Variants in ZHX2 observed in about 807,000 individuals in gnomAD.
The protein encoded by ZHX2 is zinc fingers and homeoboxes protein 2.
In ZHX2, 6 loss-of-function variants were observed where a neutral mutation model predicts 21.9. The observed-to-expected ratio is 0.27, with a 90% confidence interval of 0.15 to 0.54. ZHX2 has a LOEUF of 0.54. Among genes scored for constraint, ZHX2 ranks in the 20% least tolerant of loss-of-function variants. The pLI, the probability that ZHX2 is intolerant of heterozygous loss-of-function variation, is 0.95. For synonymous variants in ZHX2, 434 were observed against 437.1 expected, an observed-to-expected ratio of 0.99 and a Z score of 0.09; for missense variants, 908 against 1,090.7, an observed-to-expected ratio of 0.83 and a Z score of 2.36.
intron 2 of ZHX2, among the ~76,000 whole-genome samples, chr8:122,941,636 T>C (rs1223225053): frequency 6.6e-6 from 1 of 151,448 alleles, no homozygotes; most frequent in East Asian, 1.9e-4. Flanking sequence ...GGCAGGGAGC[T>C]TTGGCTGTTT....
At chr8:122,877,109 A>G (rs1380654815) in intron 2 of ZHX2, among the ~76,000 whole-genome samples, 2 of 152,162 alleles carry the variant, frequency 1.3e-5, no homozygotes, top group Non-Finnish European at 2.9e-5. Flanking sequence ...AGAGGATGGC[A>G]ATGGCAGTGG....
Position 122,952,326 on chromosome 8 carries a change from T to C in ZHX2, c.816T>C (p.Asp272=). 4 of 1,614,144 alleles carry C rather than the reference T, an allele frequency of 2.5e-6. No individual in the cohort carries two copies. The highest frequency in any genetic ancestry group is 2.5e-6 in the Non-Finnish European group (3 of 1,180,028). The change falls in exon 3 of 4, where the codon GAT becomes GAC. Residue 272 remains aspartate (D), a synonymous_variant. Transcript: ENST00000314393. This position sits in a 1 kb window ranked among gnomAD's most constrained non-coding sequence, Gnocchi z 6.9. ...LNTTKYNSAL[D]TNATMINSFN... ...CTACCAAATACAACTCTGCCCTGGA[T>C]ACAAATGCCACGATGATCAACTCTT... is the stretch of plus-strand genomic sequence containing the variant.
At chr8:122,963,471 A>G (rs936069096) in intron 3 of ZHX2, among the ~76,000 whole-genome samples, 1 of 152,086 alleles carries the variant, frequency 6.6e-6, no homozygotes, top group African/African-American at 2.4e-5. Flanking sequence ...ATCCTGTTCC[A>G]TTGGTCTATG....
At chr8:122,843,471 T>C (rs959209571) in intron 1 of ZHX2, among the ~76,000 whole-genome samples, 6 of 152,238 alleles carry the variant, frequency 3.9e-5, no homozygotes, top group Non-Finnish European at 2.9e-5. Flanking sequence ...CTTTCATTAG[T>C]TCCCCACAAA....
chr8:122,859,706 G>A (rs913192867), intron 1 of ZHX2, among the ~76,000 whole-genome samples: 1 of 152,114 alleles, frequency 6.6e-6, no homozygotes. Context: ...CCTGTTAGCT[G>A]TCCCTGTCTT....
intron 2 of ZHX2, among the ~76,000 whole-genome samples, chr8:122,864,759 G>A (rs1819245799): frequency 6.6e-6 from 1 of 152,168 alleles, no homozygotes; most frequent in South Asian, 2.1e-4. Flanking sequence ...TACTCCAGTG[G>A]CCAAAACCTG....
intron 1 of ZHX2, among the ~76,000 whole-genome samples, chr8:122,807,240 T>G (rs971825437): frequency 2.0e-5 from 3 of 152,190 alleles, no homozygotes; most frequent in Admixed American, 6.5e-5. Flanking sequence ...TCAACATCAC[T>G]TGGGCCCTGA....
chr8:122,814,797 G>A (rs1817998250), intron 1 of ZHX2, among the ~76,000 whole-genome samples: 2 of 152,194 alleles, frequency 1.3e-5, no homozygotes, highest in Admixed American at 1.3e-4. Flanking sequence ...AGCATTAGTT[G>A]GGGTACCCAG....
chr8:122,862,777 T>G (rs1220855294), intron 1 of ZHX2, among the ~76,000 whole-genome samples: 1 of 151,400 alleles, frequency 6.6e-6, no homozygotes, highest in East Asian at 1.9e-4. Context: ...GCGTGGGGAG[T>G]GAGAACGGTG....
intron 1 of ZHX2, among the ~76,000 whole-genome samples, chr8:122,795,549 C>CT (rs11325812): frequency 2.9e-4 from 44 of 149,658 alleles, no homozygotes; most frequent in Non-Finnish European, 4.5e-4. Context: ...CAATAGTAAA[C>CT]TTTTTTTTTT....
chr8:122,929,957 C>T (rs905370219), intron 2 of ZHX2, among the ~76,000 whole-genome samples: 2 of 152,154 alleles, frequency 1.3e-5, no homozygotes, highest in Admixed American at 6.5e-5. Context: ...TTCAGCAGGC[C>T]GGCTCCATGC....
At chr8:122,830,844 T>A (rs1436363124) in intron 1 of ZHX2, among the ~76,000 whole-genome samples, 3 of 152,180 alleles carry the variant, frequency 2.0e-5, no homozygotes, top group Non-Finnish European at 4.4e-5. Flanking sequence ...GTGCTTTTGG[T>A]GTTGCACAGT....
chr8:122,888,938 C>A (rs1351281804), intron 2 of ZHX2, among the ~76,000 whole-genome samples: 5 of 152,178 alleles, frequency 3.3e-5, no homozygotes, highest in Admixed American at 3.3e-4. Flanking sequence ...CTTCTACTCT[C>A]TACTTGTATG....
rs527840069 is a variant in ZHX2 at position 122,973,635 on chromosome 8, G to A, written c.*398G>A. 2.0e-5 allele frequency: 3 copies of A among 152,424 alleles called. No homozygotes were observed. The South Asian group carries it at 6.3e-4, about 32-fold the overall frequency. The allele number at this position is 152,424 out of a possible 1,614,324, so 9.4% of individuals were successfully genotyped here. A position where few individuals can be genotyped will look rare whatever the true frequency, so the allele number is the denominator to read the frequency against. On this transcript the variant is annotated 3_prime_UTR_variant, in exon 4 of 4. Transcript: ENST00000314393. The stretch of plus-strand genomic sequence containing the variant: ...TTCAGGAGGGAGGGCTAACCACCTT[G>A]CTTTTCTCTTTTCTCTTTTTCTTTT...
chr8:122,853,913 ACT>A (rs1360014470), intron 1 of ZHX2, among the ~76,000 whole-genome samples: 2 of 151,744 alleles, frequency 1.3e-5, no homozygotes, highest in Non-Finnish European at 2.9e-5. Context: ...GCATCTGATG[ACT>A]CTTTTTTTAA....
intron 2 of ZHX2, among the ~76,000 whole-genome samples, chr8:122,873,541 G>A (rs138932524): frequency 0.012 from 1,758 of 152,292 alleles, 18 homozygotes; most frequent in Non-Finnish European, 0.02. Context: ...AGGGCCCCTC[G>A]TCCTGCGGCC....
At chr8:122,857,847 A>G (rs184887019) in intron 1 of ZHX2, among the ~76,000 whole-genome samples, 1 of 151,806 alleles carries the variant, frequency 6.6e-6, no homozygotes, top group Admixed American at 6.6e-5. Context: ...AAAAAGGGAG[A>G]TAAGGCTTAA....
At chr8:122,807,016 C>T (rs6991737) in intron 1 of ZHX2, among the ~76,000 whole-genome samples, 81,725 of 151,864 alleles carry the variant, frequency 0.54, 22,248 homozygotes, top group South Asian at 0.58. Context: ...GGGTGGAGGG[C>T]GAGGATGTGC....
intron 1 of ZHX2, among the ~76,000 whole-genome samples, chr8:122,832,706 A>G (rs1818404371): frequency 1.3e-5 from 2 of 152,180 alleles, no homozygotes; most frequent in South Asian, 4.2e-4. Flanking sequence ...AAAAGAGAGA[A>G]TTTCTTGCTT....
Sources: gnomAD v4.1 joint callset for allele counts (sites outside exome capture counted in the v4.1 genomes callset) on GRCh38, gnomAD v4.1.1 for gene constraint, Gnocchi (gnomAD v3.1) non-coding constraint, MANE v1.5 for transcripts, NCBI Gene and HGNC (gene_info 2026-07-23, HGNC 2026-07-21) for gene names.